The following PRKAA2 variants were observed in gnomAD, a reference collection of about 807,000 sequenced individuals.
The protein encoded by PRKAA2 is 5'-AMP-activated protein kinase catalytic subunit alpha-2.
PRKAA2 carries 40 observed loss-of-function variants against 56.3 expected under a neutral mutation model. The observed-to-expected ratio is 0.71, with a 90% CI of 0.55 to 0.92. The LOEUF is 0.92. PRKAA2 is among the 40% of genes least tolerant of loss of function. The pLI, the probability that PRKAA2 is intolerant of heterozygous loss-of-function variation, is 0.00. For missense variants in PRKAA2, 542 were observed against 686.9 expected, an observed-to-expected ratio of 0.79 and a Z score of 2.36; for synonymous variants, 214 against 234.2, an observed-to-expected ratio of 0.91 and a Z score of 0.79.
At chr1:56,698,031 T>A (rs1644270316) in intron 6 of PRKAA2, among the ~76,000 whole-genome samples, 1 of 151,422 alleles carries the variant, frequency 6.6e-6, no homozygotes, top group African/African-American at 2.4e-5. Flanking sequence ...TATATTTACT[T>A]ATCTATATTC....
Position 56,707,610 on chromosome 1 carries a change from C to CT in PRKAA2, c.1559dup (p.Leu520PhefsTer22), listed in dbSNP as rs746731297. On this transcript the variant is annotated frameshift_variant, in exon 9 of 9. Coordinates refer to ENST00000371244, the MANE Select transcript of PRKAA2 (RefSeq NM_006252.4). LOFTEE classifies it high-confidence loss of function. Reference sequence around the variant, plus strand: ...TCACTTTCTGGCTCTCTCACTGGCTCTTTGACCGGAAGCACATTGTCTTCA... The same window carrying CT: ...TCACTTTCTGGCTCTCTCACTGGCTCTTTTGACCGGAAGCACATTGTCTTCA... 1.2e-6 allele frequency: 2 copies of CT among 1,614,052 alleles called. No individual in the cohort carries two copies. The highest frequency in any genetic ancestry group is 2.7e-5 in the African/African-American group (2 of 75,014).
rs1339289815 is a variant in PRKAA2 at position 56,674,072 on chromosome 1, A to G, written c.95-309A>G. Among the ~76,000 whole-genome samples, 6 of 152,324 alleles carry G rather than the reference A, an allele frequency of 3.9e-5. No homozygotes were observed. In the East Asian group the frequency reaches 1.2e-3, roughly 29 times the overall value. Reference sequence around the variant, plus strand: ...CAGTGAGTTCTCTCCTGTCCAAACAATGTTCTAAAGTTGATTATGTTTTTA... The same window carrying G: ...CAGTGAGTTCTCTCCTGTCCAAACAGTGTTCTAAAGTTGATTATGTTTTTA... On this transcript the variant is annotated intron_variant, in intron 1 of 8. Coordinates refer to ENST00000371244, the MANE Select transcript of PRKAA2 (RefSeq NM_006252.4).
intron 2 of PRKAA2, among the ~76,000 whole-genome samples, chr1:56,689,617 G>T (rs1644213623): frequency 6.6e-6 from 1 of 152,072 alleles, no homozygotes; most frequent in Admixed American, 6.6e-5. Flanking sequence ...TACTCGGGAG[G>T]TTGAGGCAGG....
chr1:56,710,463 T>A lies in PRKAA2; in HGVS notation c.*2750T>A, dbSNP rs992213029. On this transcript the variant is annotated 3_prime_UTR_variant, in exon 9 of 9. Transcript: ENST00000371244. ...CTTTGCCCAAATTAATTTTTCATTT[T>A]AAAAAACTTAATAGCCCATGAAAAG... 7 of 152,126 alleles carry A rather than the reference T, an allele frequency of 4.6e-5. No individual in the cohort carries two copies. The highest frequency in any genetic ancestry group is 8.8e-5 in the Non-Finnish European group (6 of 67,968). The allele number at this position is 152,126 out of a possible 1,614,324, so 9.4% of individuals were successfully genotyped here.
At chr1:56,680,808 A>G (rs573542675) in intron 2 of PRKAA2, among the ~76,000 whole-genome samples, 14 of 152,178 alleles carry the variant, frequency 9.2e-5, no homozygotes, top group Non-Finnish European at 1.9e-4. Flanking sequence ...GAATAGTGCC[A>G]CAATAAACAT....
rs1333320495 is a variant in PRKAA2 at position 56,691,470 on chromosome 1, A to G, written c.313A>G (p.Ile105Val). 6.2e-7 allele frequency: 1 copy of G among 1,609,450 alleles called. No individual in the cohort carries two copies. Among genetic ancestry groups the G allele is most frequent in the Non-Finnish European group, 8.5e-7 (1 of 1,176,194 alleles). The change falls in exon 3 of 9, where the codon ATC (isoleucine) becomes GTC (valine). Residue 105 changes from isoleucine (I) to valine (V), a missense_variant. This residue lies in a region of PRKAA2 where 121 missense variants were observed against 210.0 expected (regional missense o/e 0.58). Coordinates refer to ENST00000371244, the MANE Select transcript of PRKAA2 (RefSeq NM_006252.4). ...GTCTGGAGGTGAATTATTTGACTACATCTGTAAGCATGGACGGGTGAGTAA... is the reference window on the plus strand; with the variant it reads ...GTCTGGAGGTGAATTATTTGACTACGTCTGTAAGCATGGACGGGTGAGTAA... ...YVSGGELFDY[I>V]CKHGRVEEME...
intron 2 of PRKAA2, among the ~76,000 whole-genome samples, chr1:56,680,374 T>C (rs1329233049): frequency 6.6e-6 from 1 of 152,162 alleles, no homozygotes; most frequent in East Asian, 1.9e-4. Flanking sequence ...TTTTTTTTAT[T>C]ATACTTTAAG....
chr1:56,670,629 G>A (rs937601439), intron 1 of PRKAA2, among the ~76,000 whole-genome samples: 1 of 152,156 alleles, frequency 6.6e-6, no homozygotes, highest in East Asian at 1.9e-4. Context: ...ATGGGAGAAA[G>A]AAAGATGCAG....
At position 56,693,808 on chromosome 1, in the gene PRKAA2, T is replaced by C. The variant is rs1193449542; in HGVS notation, c.519T>C (p.Ser173=). The C allele has an allele frequency of 6.2e-7, 1 of 1,602,484 alleles. No homozygotes were observed. The change falls in exon 5 of 9, where the codon AGT becomes AGC. Residue 173 remains serine (S), a synonymous_variant. Transcript: ENST00000371244. The part of the protein sequence containing the change: ...MMSDGEFLRT[S]CGSPNYAAPE... Reference sequence around the variant, plus strand: ...CAGATGGTGAATTTCTGAGAACTAGTTGCGGATCTCCAAATTATGCAGCAC... The same window carrying C: ...CAGATGGTGAATTTCTGAGAACTAGCTGCGGATCTCCAAATTATGCAGCAC...
intron 2 of PRKAA2, among the ~76,000 whole-genome samples, chr1:56,689,298 A>T (rs1378569384): frequency 1.3e-5 from 2 of 152,208 alleles, no homozygotes; most frequent in African/African-American, 2.4e-5. Flanking sequence ...TAGAGTTCTC[A>T]GTATAATTAC....
At chr1:56,679,997 G>A (rs1644141835) in intron 2 of PRKAA2, among the ~76,000 whole-genome samples, 1 of 152,116 alleles carries the variant, frequency 6.6e-6, no homozygotes, top group Non-Finnish European at 1.5e-5. Flanking sequence ...TAAGAATACA[G>A]TAAATAATAC....
intron 2 of PRKAA2, among the ~76,000 whole-genome samples, chr1:56,679,338 C>T (rs1644137032): frequency 6.6e-6 from 1 of 152,130 alleles, no homozygotes; most frequent in African/African-American, 2.4e-5. Context: ...TTTCTGAGCA[C>T]ATTTATCAAA....
intron 5 of PRKAA2, 127 bp downstream of exon 5, chr1:56,693,979 C>T: frequency 1.6e-6 from 1 of 628,666 alleles, no homozygotes; most frequent in Non-Finnish European, 2.6e-6. Context: ...TTTATTTTTC[C>T]ACTGTTAAAG....
In PRKAA2 at chr1:56,707,692, G is replaced by T. The variant is rs1289387140; in HGVS notation, c.1638G>T (p.Leu546=). The change falls in exon 9 of 9, where the codon CTG becomes CTT. Residue 546 remains leucine (L), a synonymous_variant. Transcript: ENST00000371244. ...ATTTTTTTGAAATGTGTGCCAGTCT[G>T]ATTACTACTTTAGCCCGTTGATCTG... The part of the protein sequence containing the change: ...TMDFFEMCAS[L]ITTLAR 2 of 1,602,578 alleles carry T rather than the reference G, an allele frequency of 1.2e-6. No homozygotes were observed. Among genetic ancestry groups the T allele is most frequent in the Non-Finnish European group, 1.7e-6 (2 of 1,169,530 alleles).
At chr1:56,676,261 T>C (rs1039237568) in intron 2 of PRKAA2, among the ~76,000 whole-genome samples, 1 of 152,188 alleles carries the variant, frequency 6.6e-6, no homozygotes, top group Non-Finnish European at 1.5e-5. Context: ...TCCTGGATCA[T>C]GTAGGTGGGC....
intron 1 of PRKAA2, among the ~76,000 whole-genome samples, chr1:56,666,083 A>AC (rs757694002): frequency 1.3e-5 from 2 of 152,214 alleles, no homozygotes; most frequent in Non-Finnish European, 2.9e-5. Flanking sequence ...CACCAAACTT[A>AC]CATACACCTC....
intron 1 of PRKAA2, among the ~76,000 whole-genome samples, chr1:56,667,559 T>A (rs1307558575): frequency 1.2e-4 from 18 of 152,170 alleles, no homozygotes; most frequent in Non-Finnish European, 1.9e-4. Flanking sequence ...ATTAGGAACA[T>A]AGGCTTTAGA....
Position 56,713,766 on chromosome 1 carries a change from C to T in PRKAA2, c.*6053C>T, listed in dbSNP as rs1183132236. ...TTTAAACGTGCATTTTTCACAGTTA[C>T]ACATTTAAGTTTTGCTACCAAAAAT... On this transcript the variant is annotated 3_prime_UTR_variant, in exon 9 of 9. Coordinates refer to ENST00000371244, the MANE Select transcript of PRKAA2 (RefSeq NM_006252.4). 1 of 141,356 alleles carries T rather than the reference C, an allele frequency of 7.1e-6. No individual in the cohort carries two copies. The highest frequency in any genetic ancestry group is 1.5e-5 in the Non-Finnish European group (1 of 66,318). The allele number at this position is 141,356 out of a possible 1,614,324, so 8.8% of individuals were successfully genotyped here.
intron 6 of PRKAA2, among the ~76,000 whole-genome samples, chr1:56,699,230 C>A (rs957898882): frequency 6.6e-6 from 1 of 152,020 alleles, no homozygotes; most frequent in Non-Finnish European, 1.5e-5. Flanking sequence ...ATTTGAAAAC[C>A]TTTTAGCTGC....
Sources: gnomAD v4.1 joint callset for allele counts (sites outside exome capture counted in the v4.1 genomes callset) on GRCh38, gnomAD v4.1.1 for gene constraint, gnomAD v4.1.1 regional missense constraint, MANE v1.5 for transcripts, NCBI Gene and HGNC (gene_info 2026-07-23, HGNC 2026-07-21) for gene names.